ABCC4: variants seen among roughly 807,000 people sequenced by gnomAD.
ABCC4 encodes the protein ATP binding cassette subfamily C member 4 (PEL blood group).
ABCC4 carries 102 observed loss-of-function variants against 168.5 expected under a neutral mutation model. That is an observed-to-expected ratio of 0.61 (90% CI 0.52 to 0.71). The LOEUF (loss-of-function observed/expected upper bound fraction) is 0.71, where lower values mean the gene tolerates loss of function less well. Among genes scored for constraint, ABCC4 ranks in the 30% least tolerant of loss-of-function variants. The pLI, the probability that ABCC4 is intolerant of heterozygous loss-of-function variation, is 0.00. For missense variants in ABCC4, 1,402 were observed against 1,605.8 expected, an observed-to-expected ratio of 0.87 and a Z score of 2.17; for synonymous variants, 617 against 590.7, an observed-to-expected ratio of 1.04 and a Z score of -0.65.
intron 1 of ABCC4, among the ~76,000 whole-genome samples, chr13:95,290,304 A>T (rs534425678): frequency 6.6e-6 from 1 of 152,196 alleles, no homozygotes; most frequent in Non-Finnish European, 1.5e-5. Flanking sequence ...AATTTAGAAA[A>T]AATAAAGCTA....
At chr13:95,247,918 G>GCACACACATACACACACA (rs2040151921) in intron 1 of ABCC4, among the ~76,000 whole-genome samples, 165 bp from the exon 2 acceptor site, 3 of 142,564 alleles carry the variant, frequency 2.1e-5, no homozygotes, top group African/African-American at 8.3e-5. Flanking sequence ...GTTAACATGT[G>GCACACACATACACACACA]CACACACACA....
At chr13:95,159,545 G>T (rs2139537403) in intron 19 of ABCC4, among the ~76,000 whole-genome samples, 1 of 152,250 alleles carries the variant, frequency 6.6e-6, no homozygotes, top group South Asian at 2.1e-4. Flanking sequence ...AACATGGAGA[G>T]GCTGGTTAAT....
chr13:95,053,308 C>T, intron 26 of ABCC4, 124 bp from the exon 27 acceptor site: 2 of 769,986 alleles, frequency 2.6e-6, no homozygotes, highest in South Asian at 3.3e-5. Context: ...TATAGCGTTA[C>T]AAATGCCTGT....
At chr13:95,178,462 G>A (rs1222976948) in intron 11 of ABCC4, among the ~76,000 whole-genome samples, 1 of 152,208 alleles carries the variant, frequency 6.6e-6, no homozygotes, top group Non-Finnish European at 1.5e-5. Context: ...TGCTAAGAAG[G>A]AGAAGGAAGC....
chr13:95,293,148 C>T (rs992235092), intron 1 of ABCC4, among the ~76,000 whole-genome samples: 3 of 152,026 alleles, frequency 2.0e-5, no homozygotes, highest in African/African-American at 7.2e-5. Context: ...GTAAACCCCT[C>T]CCCAGAGATC....
At chr13:95,049,220 G>C (rs540705179) in intron 27 of ABCC4, among the ~76,000 whole-genome samples, 211 of 152,148 alleles carry the variant, frequency 1.4e-3, no homozygotes, top group Admixed American at 3.5e-3. Context: ...TTTAATCCTA[G>C]CTACCTGGGA....
intron 19 of ABCC4, among the ~76,000 whole-genome samples, chr13:95,137,158 G>A (rs950644165): frequency 2.6e-5 from 4 of 152,174 alleles, no homozygotes; most frequent in Non-Finnish European, 5.9e-5. Context: ...ACAAGCAGTG[G>A]AAGTAGGAAA....
chr13:95,025,245 A>ACC (rs1384681716), intron 30 of ABCC4, among the ~76,000 whole-genome samples: 2 of 42,162 alleles, frequency 4.7e-5, no homozygotes, highest in Non-Finnish European at 8.5e-5. Context: ...ATACACACAC[A>ACC]CCCACACACA....
chr13:95,065,083 C>T (rs943657323), intron 25 of ABCC4, among the ~76,000 whole-genome samples: 2 of 152,134 alleles, frequency 1.3e-5, no homozygotes, highest in Admixed American at 6.5e-5. Flanking sequence ...CCAACAGCCC[C>T]CCTCCAAACA....
chr13:95,198,028 T>C (rs974561482), intron 8 of ABCC4, among the ~76,000 whole-genome samples: 1 of 152,064 alleles, frequency 6.6e-6, no homozygotes, highest in African/African-American at 2.4e-5. Context: ...GCCTAGGTAA[T>C]ACCATTCAGG....
chr13:95,090,038 G>A (rs1408566212), intron 20 of ABCC4, among the ~76,000 whole-genome samples: 1 of 152,130 alleles, frequency 6.6e-6, no homozygotes, highest in African/African-American at 2.4e-5. Flanking sequence ...GCAATCCCAA[G>A]AGGAGCCACA....
intron 4 of ABCC4, among the ~76,000 whole-genome samples, chr13:95,232,601 C>T (rs1201829236): frequency 1.3e-5 from 2 of 150,568 alleles, no homozygotes; most frequent in East Asian, 2.0e-4. Flanking sequence ...CGCTTGAACC[C>T]GGGAGGTGGA....
chr13:95,021,799 A>G lies in ABCC4; in HGVS notation c.3871-117T>C, dbSNP rs2031101978. 1.4e-5 allele frequency: 10 copies of G among 700,428 alleles called. No homozygotes were observed. In the South Asian group the frequency reaches 1.9e-4, roughly 13 times the overall value. 43.4% of individuals were successfully genotyped at this position (700,428 alleles called of 1,614,324 possible). On this transcript the variant is annotated intron_variant, in intron 30 of 30. Transcript: ENST00000645237. ...GTGAAGCAAATCATATCCCTCACTGAGGCACAATTTAAGAACAGGGATGAA... is the reference window on the plus strand; with the variant it reads ...GTGAAGCAAATCATATCCCTCACTGGGGCACAATTTAAGAACAGGGATGAA...
At chr13:95,296,172 A>C (rs2041528342) in intron 1 of ABCC4, among the ~76,000 whole-genome samples, 1 of 107,024 alleles carries the variant, frequency 9.3e-6, no homozygotes, top group Non-Finnish European at 2.0e-5. Context: ...ACACACACAC[A>C]CACACACACA....
intron 4 of ABCC4, among the ~76,000 whole-genome samples, chr13:95,232,676 CA>C (rs60401581): frequency 0.1 from 13,755 of 132,106 alleles, 1,752 homozygotes; most frequent in African/African-American, 0.31. Context: ...GACTTCATCT[CA>C]AAAAAAAAAA....
At chr13:95,163,998 G>T (rs182882786) in intron 16 of ABCC4, among the ~76,000 whole-genome samples, 3 of 139,926 alleles carry the variant, frequency 2.1e-5, no homozygotes. Flanking sequence ...CCAAGATCGC[G>T]CCACTGCACT....
At position 95,243,316 on chromosome 13, in the gene ABCC4, C is replaced by T. The variant is rs112761266; in HGVS notation, c.306+3659G>A. On this transcript the variant is annotated intron_variant, in intron 3 of 30. Transcript: ENST00000645237. ...TGCCAAGCAAACTGCACACCCACTTCACGATTCAGGCCAAAGGCTTCTGAA... is the reference window on the plus strand; with the variant it reads ...TGCCAAGCAAACTGCACACCCACTTTACGATTCAGGCCAAAGGCTTCTGAA... 6.7e-3 allele frequency among the ~76,000 whole-genome samples: 1,022 copies of T among 152,338 alleles called. 18 individuals carry two copies. The highest frequency in any genetic ancestry group is 0.023 in the African/African-American group (967 of 41,570).
At chr13:95,103,362 G>A (rs974898353) in intron 20 of ABCC4, among the ~76,000 whole-genome samples, 3 of 152,194 alleles carry the variant, frequency 2.0e-5, no homozygotes, top group African/African-American at 7.2e-5. Context: ...GATATCCTGA[G>A]GTAGAATCAC....
intron 4 of ABCC4, among the ~76,000 whole-genome samples, chr13:95,224,392 G>C (rs1469522860): frequency 1.3e-5 from 2 of 151,974 alleles, no homozygotes; most frequent in Non-Finnish European, 2.9e-5. Context: ...AAAAAAATTT[G>C]TTCAGATTAA....
Sources: gnomAD v4.1 joint callset for allele counts (sites outside exome capture counted in the v4.1 genomes callset) on GRCh38, gnomAD v4.1.1 for gene constraint, MANE v1.5 for transcripts, NCBI Gene and HGNC (gene_info 2026-07-23, HGNC 2026-07-21) for gene names.